ACOX3: variants seen among roughly 807,000 people sequenced by gnomAD.
ACOX3 encodes acyl-CoA oxidase 3, pristanoyl.
Under a neutral mutation model 81.5 loss-of-function variants are expected in ACOX3, and 73 were observed. That is an observed-to-expected ratio of 0.90 (90% CI 0.74 to 1.09). The LOEUF (loss-of-function observed/expected upper bound fraction) is 1.09. Among genes scored for constraint, ACOX3 ranks in the 50% least tolerant of loss-of-function variants. ACOX3 has a pLI of 0.00. For synonymous variants in ACOX3, 387 were observed against 375.1 expected (o/e 1.03, Z -0.37); for missense variants, 947 against 928.0 (o/e 1.02, Z -0.27).
At chr4:8,420,463 C>G (rs1722817645) in intron 1 of ACOX3, among the ~76,000 whole-genome samples, 2 of 152,304 alleles carry the variant, frequency 1.3e-5, no homozygotes, top group South Asian at 4.1e-4. Context: ...GGGCTTGTAA[C>G]TCAGCTCACA....
rs1178442085 is a variant in ACOX3, at chr4:8,385,178, C to G, written c.1538-3571G>C. Among the ~76,000 whole-genome samples the G allele has an allele frequency of 6.6e-6, 1 of 152,198 alleles. No individual in the cohort carries two copies. The highest frequency in any genetic ancestry group is 2.4e-5 in the African/African-American group (1 of 41,454). ...CGGGGGGCAGTGCTGACCCAATAGC[C>G]TGTGCTCCCACCCTCTGGGAGCACT... On this transcript the variant is annotated intron_variant, in intron 13 of 17. Transcript: ENST00000356406. This position sits in a 1 kb window ranked among gnomAD's most constrained non-coding sequence, Gnocchi z 5.5.
Position 8,366,786 on chromosome 4 carries a change from G to A in ACOX3, c.*175C>T, listed in dbSNP as rs966262224. On this transcript the variant is annotated 3_prime_UTR_variant, in exon 18 of 18. Coordinates refer to ENST00000356406, the MANE Select transcript of ACOX3 (RefSeq NM_003501.3). ...CGATCCCAGATTAGTCCAGCCGGCC[G>A]GGTGCCTCCCTCCCGTCCGCCTGGG... 1.6e-5 allele frequency: 12 copies of A among 757,174 alleles called. No individual in the cohort carries two copies. Among genetic ancestry groups the A allele is most frequent in the East Asian group, 8.4e-5 (3 of 35,800 alleles). 46.9% of individuals were successfully genotyped at this position (757,174 alleles called of 1,614,324 possible). A position where few individuals can be genotyped will look rare whatever the true frequency, so the allele number is the denominator to read the frequency against.
At chr4:8,364,369 C>G (rs946937714), downstream of ACOX3, among the ~76,000 whole-genome samples, 12 of 152,268 alleles carry the variant, frequency 7.9e-5, no homozygotes, top group African/African-American at 2.9e-4. The surrounding 1 kb of genome is among the most constrained non-coding windows in gnomAD (Gnocchi z 5.0). Flanking sequence ...TTTGTCAACA[C>G]TGCCAGTAAA....
rs753871929 is a variant in ACOX3 at position 8,373,644 on chromosome 4, C to T, written c.1829-16G>A. ...AAGTATCCTCCTGCAAGCACAGCCT[C>T]GGTCACATGGGGGCTGGGTCCAGTC... On this transcript the variant is annotated splice_polypyrimidine_tract_variant and intron_variant, in intron 15 of 17. Transcript: ENST00000356406. 5.8e-5 allele frequency: 94 copies of T among 1,607,752 alleles called. No individual in the cohort carries two copies. The highest frequency in any genetic ancestry group is 7.7e-5 in the Non-Finnish European group (91 of 1,177,326).
In ACOX3 at chr4:8,366,622, C is replaced by G. The variant is rs998818481; in HGVS notation, c.*339G>C. ...TCACAGGTTGTCTGACCAGAAGATC[C>G]CTGACAATGGGCTGTTTACTTTAGA... On this transcript the variant is annotated 3_prime_UTR_variant, in exon 18 of 18. Transcript: ENST00000356406. 3.3e-5 allele frequency: 6 copies of G among 184,512 alleles called. No individual in the cohort carries two copies. Among genetic ancestry groups the G allele is most frequent in the Non-Finnish European group, 5.7e-5 (5 of 87,708 alleles). 11.4% of individuals were successfully genotyped at this position (184,512 alleles called of 1,614,324 possible).
intron 1 of ACOX3, among the ~76,000 whole-genome samples, chr4:8,417,525 G>C (rs961445723): frequency 5.9e-5 from 9 of 152,240 alleles, no homozygotes; most frequent in African/African-American, 1.7e-4. Context: ...AGCTCAGAGA[G>C]GCTGTGTTTC....
In ACOX3 at chr4:8,432,359, G is replaced by C. The variant is rs563958513; in HGVS notation, c.-15+8289C>G. Among the ~76,000 whole-genome samples, 1 of 151,718 alleles carries C rather than the reference G, an allele frequency of 6.6e-6. No homozygotes were observed. Among genetic ancestry groups the C allele is most frequent in the South Asian group, 2.1e-4 (1 of 4,802 alleles). On this transcript the variant is annotated intron_variant, in intron 1 of 17. Coordinates refer to ENST00000356406, the MANE Select transcript of ACOX3 (RefSeq NM_003501.3). This position sits in a 1 kb window ranked among gnomAD's most constrained non-coding sequence, Gnocchi z 6.2. Reference sequence around the variant, plus strand: ...AGCCATTCTCCTGCCTTAGCCTCCCGAGTAGCTGGGACTACAGGCGCCCAC... The same window carrying C: ...AGCCATTCTCCTGCCTTAGCCTCCCCAGTAGCTGGGACTACAGGCGCCCAC...
In ACOX3 at chr4:8,386,254, C is replaced by T. The variant is rs1334923375; in HGVS notation, c.1537+2919G>A. 2.0e-5 allele frequency among the ~76,000 whole-genome samples: 3 copies of T among 152,152 alleles called. No homozygotes were observed. Among genetic ancestry groups the T allele is most frequent in the East Asian group, 3.8e-4 (2 of 5,196 alleles). On this transcript the variant is annotated intron_variant, in intron 13 of 17. Coordinates refer to ENST00000356406, the MANE Select transcript of ACOX3 (RefSeq NM_003501.3). The surrounding 1 kb of genome is among the most constrained non-coding windows in gnomAD (Gnocchi z 5.2). ...GGTCATTTTCTAGTTCTTTCTGTGG[C>T]AACATTTGGGAAGCTTAGAAAGTGA... is the stretch of plus-strand genomic sequence containing the variant.
chr4:8,391,696 A>G (rs1316978290), intron 11 of ACOX3, among the ~76,000 whole-genome samples: 3 of 152,314 alleles, frequency 2.0e-5, no homozygotes, highest in South Asian at 2.1e-4. Flanking sequence ...TTGTGGGTAC[A>G]CTATTATCAC....
rs1049987289 is a variant in ACOX3 at position 8,394,072 on chromosome 4, A to G, written c.1179+548T>C. Among the ~76,000 whole-genome samples the G allele has an allele frequency of 1.3e-5, 2 of 152,200 alleles. No homozygotes were observed. Among genetic ancestry groups the G allele is most frequent in the African/African-American group, 4.8e-5 (2 of 41,450 alleles). Reference sequence around the variant, plus strand: ...TGGCGTTTCTCCTCTGCTTTCAAACACGGTTATTTCTTTTGATTCACATTT... The same window carrying G: ...TGGCGTTTCTCCTCTGCTTTCAAACGCGGTTATTTCTTTTGATTCACATTT... On this transcript the variant is annotated intron_variant, in intron 10 of 17. Coordinates refer to ENST00000356406, the MANE Select transcript of ACOX3 (RefSeq NM_003501.3). This position sits in a 1 kb window ranked among gnomAD's most constrained non-coding sequence, Gnocchi z 5.9.
chr4:8,361,018 A>G, the ACOX3 span, among the ~76,000 whole-genome samples: 4 of 152,222 alleles, frequency 2.6e-5, no homozygotes, highest in Non-Finnish European at 5.9e-5. Context: ...AGACTGCTAA[A>G]AAAAACAGTT....
rs1215511244 is a variant in ACOX3 at position 8,419,390 on chromosome 4, C to T, written c.-14-2855G>A. 6.6e-6 allele frequency among the ~76,000 whole-genome samples: 1 copy of T among 151,040 alleles called. No individual in the cohort carries two copies. Among genetic ancestry groups the T allele is most frequent in the Admixed American group, 6.6e-5 (1 of 15,182 alleles). Reference sequence around the variant, plus strand: ...GCAGAGATTGCAGTAGCCTAGATTGCGCCACTGCACTCCAGCCTGGGTGAC... The same window carrying T: ...GCAGAGATTGCAGTAGCCTAGATTGTGCCACTGCACTCCAGCCTGGGTGAC... On this transcript the variant is annotated intron_variant, in intron 1 of 17. Transcript: ENST00000356406. The surrounding 1 kb of genome is among the most constrained non-coding windows in gnomAD (Gnocchi z 4.2).
Position 8,399,552 on chromosome 4 carries a change from G to A in ACOX3, c.873+4C>T. Reference sequence around the variant, plus strand: ...GGCACACGAACGGCCCCCCATGCCTGTACCTTAAAGGGGCTGACATAGGTG... The same window carrying A: ...GGCACACGAACGGCCCCCCATGCCTATACCTTAAAGGGGCTGACATAGGTG... On this transcript the variant is annotated splice_donor_region_variant and intron_variant, in intron 8 of 17. Coordinates refer to ENST00000356406, the MANE Select transcript of ACOX3 (RefSeq NM_003501.3). This position sits in a 1 kb window ranked among gnomAD's most constrained non-coding sequence, Gnocchi z 4.9. 1 of 1,611,592 alleles carries A rather than the reference G, an allele frequency of 6.2e-7. No individual in the cohort carries two copies. The highest frequency in any genetic ancestry group is 8.5e-7 in the Non-Finnish European group (1 of 1,177,716).
In ACOX3 at chr4:8,396,314, G is replaced by C. The variant is rs142382958; in HGVS notation, c.1056+623C>G. Among the ~76,000 whole-genome samples, 740 of 152,296 alleles carry C rather than the reference G, an allele frequency of 4.9e-3. 9 individuals carry two copies. The highest frequency in any genetic ancestry group is 0.017 in the African/African-American group (709 of 41,568). ...CACAGGGCGTGCAAGGCCACTACCC[G>C]CCAAGCTGTGGCGGCCTCACCTGAA... On this transcript the variant is annotated intron_variant, in intron 9 of 17. Transcript: ENST00000356406.
Position 8,394,476 on chromosome 4 carries a change from T to C in ACOX3, c.1179+144A>G. ...TTCAATCGCGGCAGAGGCCAAGAGC[T>C]CCGAGTGGGTGGGAACAACTGGAGG... On this transcript the variant is annotated intron_variant, in intron 10 of 17. Coordinates refer to ENST00000356406, the MANE Select transcript of ACOX3 (RefSeq NM_003501.3). This position sits in a 1 kb window ranked among gnomAD's most constrained non-coding sequence, Gnocchi z 5.9. 7.6e-7 allele frequency: 1 copy of C among 1,316,048 alleles called. No individual in the cohort carries two copies. Among genetic ancestry groups the C allele is most frequent in the South Asian group, 1.5e-5 (1 of 67,606 alleles). The allele number at this position is 1,316,048 out of a possible 1,614,324, so 81.5% of individuals were successfully genotyped here. A position where few individuals can be genotyped will look rare whatever the true frequency, so the allele number is the denominator to read the frequency against.
Position 8,384,062 on chromosome 4 carries a change from G to A in ACOX3, c.1538-2455C>T, listed in dbSNP as rs2108834413. ...CCATTCCCAAACACTGCCCCAGGAG[G>A]TGTCCCTCTGCGGTGGACACTTCAC... On this transcript the variant is annotated intron_variant, in intron 13 of 17. Coordinates refer to ENST00000356406, the MANE Select transcript of ACOX3 (RefSeq NM_003501.3). The surrounding 1 kb of genome is among the most constrained non-coding windows in gnomAD (Gnocchi z 5.3). 6.6e-6 allele frequency among the ~76,000 whole-genome samples: 1 copy of A among 152,300 alleles called. No individual in the cohort carries two copies. Among genetic ancestry groups the A allele is most frequent in the South Asian group, 2.1e-4 (1 of 4,828 alleles).
In ACOX3 at chr4:8,400,275, A is replaced by AATAATAATG. The variant is rs1720229369; in HGVS notation, c.777-624_777-623insCATTATTAT. 6.6e-6 allele frequency among the ~76,000 whole-genome samples: 1 copy of AATAATAATG among 151,270 alleles called. No individual in the cohort carries two copies. The highest frequency in any genetic ancestry group is 1.5e-5 in the Non-Finnish European group (1 of 67,902). On this transcript the variant is annotated intron_variant, in intron 7 of 17. Coordinates refer to ENST00000356406, the MANE Select transcript of ACOX3 (RefSeq NM_003501.3). The surrounding 1 kb of genome is among the most constrained non-coding windows in gnomAD (Gnocchi z 4.4). ...CAATAATAATAATAATAATAATAAT[A>AATAATAATG]ATAATAATAAAAGCATTGTGTATAT...
rs772598914 is a variant in ACOX3 at position 8,416,532 on chromosome 4, G to C, written c.-11C>G. ...CACAGTGGATGCCATCGCGTGATAA[G>C]AGCCTGCACAAAACATGCAACCTGA... On this transcript the variant is annotated 5_prime_UTR_variant, in exon 2 of 18. Coordinates refer to ENST00000356406, the MANE Select transcript of ACOX3 (RefSeq NM_003501.3). The surrounding 1 kb of genome is among the most constrained non-coding windows in gnomAD (Gnocchi z 4.2). The C allele has an allele frequency of 6.3e-7, 1 of 1,586,778 alleles. No homozygotes were observed. The highest frequency in any genetic ancestry group is 2.2e-5 in the East Asian group (1 of 44,478).
At position 8,389,624 on chromosome 4, in the gene ACOX3, G is replaced by A. The variant is rs762003746; in HGVS notation, c.1411C>T (p.His471Tyr). 1.9e-5 allele frequency: 30 copies of A among 1,613,842 alleles called. No homozygotes were observed. Among genetic ancestry groups the A allele is most frequent in the South Asian group, 5.5e-5 (5 of 91,082 alleles). Residue 471 changes from histidine (H) to tyrosine (Y), a missense_variant, in exon 12 of 18, where the codon CAC becomes TAC. Transcript: ENST00000356406. This position sits in a 1 kb window ranked among gnomAD's most constrained non-coding sequence, Gnocchi z 5.3. ...TSNYLLGLLA[H>Y]QVHDGACFRS... ...AGCAGAGCCTCACCGTGGACCTGGT[G>A]TGCCAGGAGACCCAGCAAATAGTTG...
Sources: gnomAD v4.1 joint callset for allele counts (sites outside exome capture counted in the v4.1 genomes callset) on GRCh38, gnomAD v4.1.1 for gene constraint, Gnocchi (gnomAD v3.1) non-coding constraint, MANE v1.5 for transcripts, NCBI Gene and HGNC (gene_info 2026-07-23, HGNC 2026-07-21) for gene names.